SYNE2: variants seen among roughly 807,000 people sequenced by gnomAD.
SYNE2 encodes the protein spectrin repeat containing nuclear envelope protein 2.
SYNE2 carries 431 observed loss-of-function variants against 856.3 expected under a neutral mutation model. The observed-to-expected ratio is 0.50, with a 90% confidence interval of 0.47 to 0.55. The LOEUF (loss-of-function observed/expected upper bound fraction) is 0.55, where lower values mean the gene tolerates loss of function less well. Among genes scored for constraint, SYNE2 ranks in the 20% least tolerant of loss-of-function variants. The probability of loss-of-function intolerance (pLI) is 0.00; values close to 1 mark genes in which losing one functional copy is unlikely to be tolerated. For synonymous variants in SYNE2, 2,923 were observed against 2,872.3 expected (o/e 1.02, Z -0.56); for missense variants, 8,129 against 8,023.2 (o/e 1.01, Z -0.50).
intron 34 of SYNE2, among the ~76,000 whole-genome samples, chr14:64,019,789 C>T (rs1371353943): frequency 6.6e-6 from 1 of 152,146 alleles, no homozygotes; most frequent in Non-Finnish European, 1.5e-5. Flanking sequence ...TTGTCTTATA[C>T]CTAGAAAGAC....
intron 66 of SYNE2, among the ~76,000 whole-genome samples, chr14:64,116,189 AAAG>A (rs1373319231): frequency 4.0e-5 from 6 of 149,538 alleles, no homozygotes; most frequent in Non-Finnish European, 8.9e-5. Context: ...AAGAGAAAGG[AAAG>A]AAGGGAGGGA....
intron 100 of SYNE2, among the ~76,000 whole-genome samples, chr14:64,205,446 A>C (rs1379859607): frequency 6.6e-6 from 1 of 152,204 alleles, no homozygotes; most frequent in Non-Finnish European, 1.5e-5. Flanking sequence ...TTAAAAAAAC[A>C]ACCACCTTAC....
chr14:64,100,477 T>A (rs1228888711), intron 63 of SYNE2: 1 of 133,888 alleles, frequency 7.5e-6, no homozygotes, highest in African/African-American at 2.9e-5. Context: ...GATCACGCTG[T>A]TGCACTCCAG....
At chr14:64,212,315 G>C (rs1291851452) in intron 104 of SYNE2, among the ~76,000 whole-genome samples, 1 of 152,204 alleles carries the variant, frequency 6.6e-6, no homozygotes, top group Non-Finnish European at 1.5e-5. Context: ...GCCAAGAACA[G>C]AGGTCCGCTC....
At chr14:64,119,808 G>A (rs978481757) in intron 67 of SYNE2, among the ~76,000 whole-genome samples, 199 bp downstream of exon 67, 1 of 152,150 alleles carries the variant, frequency 6.6e-6, no homozygotes, top group Admixed American at 6.6e-5. Context: ...TTCCTGTCTA[G>A]GTTGTTGTTG....
intron 2 of SYNE2, among the ~76,000 whole-genome samples, chr14:63,912,823 C>G (rs1267483879): frequency 6.6e-6 from 1 of 152,214 alleles, no homozygotes; most frequent in African/African-American, 2.4e-5. Context: ...TCAGGCAGTG[C>G]TTTGCCGAAA....
At chr14:64,071,418 C>T (rs2097406458) in intron 52 of SYNE2, among the ~76,000 whole-genome samples, 1 of 151,984 alleles carries the variant, frequency 6.6e-6, no homozygotes, top group Admixed American at 6.6e-5. Context: ...GGCGTGAACC[C>T]AGAAGGCAGA....
rs371532130 is a variant in SYNE2, at chr14:64,132,445, G to C, written c.14514+7G>C. 5 of 1,613,964 alleles carry C rather than the reference G, an allele frequency of 3.1e-6. No individual in the cohort carries two copies. Among genetic ancestry groups the C allele is most frequent in the Non-Finnish European group, 4.2e-6 (5 of 1,180,004 alleles). ...GCTGCAGAGTTTGTTGCAGGTATTT[G>C]GGTTATGTAAACGTTGTACTGAAGC... is the stretch of plus-strand genomic sequence containing the variant. On this transcript the variant is annotated splice_region_variant and intron_variant, in intron 77 of 115. Transcript: ENST00000555002.
Position 64,098,130 on chromosome 14 carries a change from A to G in SYNE2, c.12290A>G (p.Asp4097Gly), listed in dbSNP as rs79781451. 1 of 1,614,004 alleles carries G rather than the reference A, an allele frequency of 6.2e-7. No homozygotes were observed. The highest frequency in any genetic ancestry group is 2.2e-5 in the East Asian group (1 of 44,872). The change falls in exon 62 of 116, where the codon GAT (aspartate) becomes GGT (glycine). Residue 4097 changes from aspartate (D) to glycine (G), a missense_variant. Asp to Gly is a moderately conservative substitution (Grantham distance 94). Around this residue, in one of 3 missense-constraint regions of SYNE2, gnomAD observed 5,410 missense variants for 5,284.8 expected, o/e 1.02. Coordinates refer to ENST00000555002, the MANE Select transcript of SYNE2 (RefSeq NM_182914.3). ...TSEEGGVAERDASERKLNRRG... is the reference protein window; with the variant it reads ...TSEEGGVAERGASERKLNRRG... Reference sequence around the variant, plus strand: ...GAGGAAGGTGGAGTGGCAGAGAGGGATGCTTCTGAGCGGAAGGTGGGTATG... The same window carrying G: ...GAGGAAGGTGGAGTGGCAGAGAGGGGTGCTTCTGAGCGGAAGGTGGGTATG...
chr14:63,881,233 C>T (rs2094856467), intron 1 of SYNE2, among the ~76,000 whole-genome samples: 1 of 152,048 alleles, frequency 6.6e-6, no homozygotes, highest in Admixed American at 6.6e-5. Flanking sequence ...CCCGCCTTGG[C>T]TTCCCAGAAT....
At chr14:63,887,224 T>TGAGCCGA (rs1396325717) in intron 1 of SYNE2, among the ~76,000 whole-genome samples, 42 of 151,768 alleles carry the variant, frequency 2.8e-4, no homozygotes, top group African/African-American at 9.9e-4. Context: ...GAGGTTGCAG[T>TGAGCCGA]GAGCCGAGAT....
At chr14:63,982,854 A>T in intron 17 of SYNE2, 60 bp downstream of exon 17, 2 of 1,544,124 alleles carry the variant, frequency 1.3e-6, no homozygotes, top group East Asian at 2.3e-5. Context: ...CACACAATTT[A>T]CTCATTGTAA....
intron 96 of SYNE2, among the ~76,000 whole-genome samples, chr14:64,184,329 G>GGTGTGTGTGTGTGTGTGT (rs767980383): frequency 1.1e-4 from 16 of 144,252 alleles, no homozygotes; most frequent in Admixed American, 2.1e-4. Context: ...TATGCATAGG[G>GGTGTGTGTGTGTGTGTGT]GTGTGTGTGT....
chr14:63,996,808 G>A, intron 23 of SYNE2, 139 bp from the exon 24 acceptor site: 1 of 795,958 alleles, frequency 1.3e-6, no homozygotes, highest in Non-Finnish European at 2.1e-6. Flanking sequence ...TTTTTCTCTA[G>A]CGCCTATTGT....
chr14:64,214,283 A>G lies in SYNE2; in HGVS notation c.19146A>G (p.Gly6382=), dbSNP rs752370235. 8 of 1,614,070 alleles carry G rather than the reference A, an allele frequency of 5.0e-6. No homozygotes were observed. Among genetic ancestry groups the G allele is most frequent in the African/African-American group, 2.7e-5 (2 of 74,994 alleles). Residue 6382 remains glycine (G), a synonymous_variant, in exon 106 of 116, where the codon GGA becomes GGG. Transcript: ENST00000555002. ...AGACTGATTCTTGGCGTAAACGGGG[A>G]GAGAGCGAGGAACCGTCATCTCCTC... The part of the protein sequence containing the change: ...EIQTDSWRKR[G]ESEEPSSPQS...
chr14:64,018,367 G>C (rs909584390), intron 34 of SYNE2, among the ~76,000 whole-genome samples: 1 of 152,054 alleles, frequency 6.6e-6, no homozygotes. Flanking sequence ...AGCCTCCTGA[G>C]TACACTGGGA....
chr14:63,928,012 A>G (rs761332909), intron 2 of SYNE2, among the ~76,000 whole-genome samples: 1 of 151,902 alleles, frequency 6.6e-6, no homozygotes, highest in Non-Finnish European at 1.5e-5. Context: ...GCATGTCTTT[A>G]TCAGCAGCAT....
In SYNE2 at chr14:63,976,540, CTTTTTTT is replaced by C. The variant is rs34440267; in HGVS notation, c.1129-10_1129-4del. The C allele has an allele frequency of 3.7e-6, 5 of 1,361,012 alleles. No individual in the cohort carries two copies. Among genetic ancestry groups the C allele is most frequent in the South Asian group, 1.3e-5 (1 of 77,462 alleles). 84.3% of individuals were successfully genotyped at this position (1,361,012 alleles called of 1,614,324 possible). On this transcript the variant is annotated splice_polypyrimidine_tract_variant and intron_variant, in intron 11 of 115. Coordinates refer to ENST00000555002, the MANE Select transcript of SYNE2 (RefSeq NM_182914.3). Reference sequence around the variant, plus strand: ...GAAAAGTTCTACTGAAGAATATGTTCTTTTTTTTTTTTTTTTTTTCAGATTAATGCAT... The same window carrying C: ...GAAAAGTTCTACTGAAGAATATGTTCTTTTTTTTTTTTCAGATTAATGCAT...
intron 6 of SYNE2, among the ~76,000 whole-genome samples, chr14:63,945,535 T>C (rs989580311): frequency 6.6e-5 from 10 of 152,248 alleles, no homozygotes; most frequent in Non-Finnish European, 1.2e-4. Flanking sequence ...TATCCAATTG[T>C]ATGAATATAC....
Sources: gnomAD v4.1 joint callset for allele counts (sites outside exome capture counted in the v4.1 genomes callset) on GRCh38, gnomAD v4.1.1 for gene constraint, gnomAD v4.1.1 regional missense constraint, MANE v1.5 for transcripts, NCBI Gene and HGNC (gene_info 2026-07-23, HGNC 2026-07-21) for gene names.